RCN2: variants seen among roughly 807,000 people sequenced by gnomAD.
RCN2 encodes the protein reticulocalbin 2.
In RCN2, 23 loss-of-function variants were observed where a neutral mutation model predicts 37.5. The ratio of observed to expected loss-of-function variants is 0.61; its 90% CI spans 0.44 to 0.87. The LOEUF (loss-of-function observed/expected upper bound fraction) is 0.87. Among genes scored for constraint, RCN2 ranks in the 40% least tolerant of loss-of-function variants. The probability of loss-of-function intolerance (pLI) is 0.00; values close to 1 mark genes in which losing one functional copy is unlikely to be tolerated. For synonymous variants in RCN2, 140 were observed against 144.6 expected, an observed-to-expected ratio of 0.97 and a Z score of 0.23; for missense variants, 381 against 390.4, an observed-to-expected ratio of 0.98 and a Z score of 0.20.
Position 76,949,374 on chromosome 15 carries a change from G to GA in RCN2, c.*152_*153insA. 1 of 548,430 alleles carries GA rather than the reference G, an allele frequency of 1.8e-6. No individual in the cohort carries two copies. The highest frequency in any genetic ancestry group is 4.1e-5 in the Admixed American group (1 of 24,322). The allele number at this position is 548,430 out of a possible 1,614,324, so 34.0% of individuals were successfully genotyped here. On this transcript the variant is annotated 3_prime_UTR_variant, in exon 7 of 7. Transcript: ENST00000394885. Reference sequence around the variant, plus strand: ...TGTAGATTATAATTTTGGTCTTTTAGGAAAAAAAAACAAAAATCTGATATT... The same window carrying GA: ...TGTAGATTATAATTTTGGTCTTTTAGAGAAAAAAAAACAAAAATCTGATATT...
At chr15:76,941,512 T>C (rs534069956) in intron 3 of RCN2, 2 of 441,928 alleles carry the variant, frequency 4.5e-6, no homozygotes, top group East Asian at 3.4e-5. Context: ...ATGATTATGG[T>C]AGCTTTTTTA....
At chr15:76,946,432 G>A (rs2075296990) in intron 4 of RCN2, among the ~76,000 whole-genome samples, 1 of 150,518 alleles carries the variant, frequency 6.6e-6, no homozygotes, top group Non-Finnish European at 1.5e-5. Context: ...CTGGGTGACA[G>A]AATGAGATCC....
At chr15:76,946,273 T>C (rs1257253646) in intron 4 of RCN2, among the ~76,000 whole-genome samples, 3 of 151,920 alleles carry the variant, frequency 2.0e-5, no homozygotes, top group African/African-American at 7.3e-5. Context: ...CTGGACAACA[T>C]AGCAGACCTT....
At position 76,953,570 on chromosome 15, in the gene RCN2, TATATATATATATATATATA is replaced by T. The variant is rs2075331633; in HGVS notation, c.*4349_*4367del. 5 of 17,138 alleles carry T rather than the reference TATATATATATATATATATA, an allele frequency of 2.9e-4. No individual in the cohort carries two copies. The highest frequency in any genetic ancestry group is 4.9e-4 in the Non-Finnish European group (4 of 8,200). The allele number at this position is 17,138 out of a possible 1,614,324, so 1.1% of individuals were successfully genotyped here. The stretch of plus-strand genomic sequence containing the variant: ...TATAGTAATTCTATATATATATATA[TATATATATATATATATATA>T]TATATTTTTTTTTTTTTTTTTTTTT... On this transcript the variant is annotated 3_prime_UTR_variant, in exon 7 of 7. Coordinates refer to ENST00000394885, the MANE Select transcript of RCN2 (RefSeq NM_002902.3).
chr15:76,948,214 T>C (rs1198047542), intron 5 of RCN2, 196 bp from the exon 6 acceptor site: 5 of 410,008 alleles, frequency 1.2e-5, no homozygotes, highest in African/African-American at 2.0e-5. Flanking sequence ...AACTGGGTTG[T>C]TTAGACTCGT....
In RCN2 at chr15:76,947,429, C is replaced by A; in HGVS notation, c.570C>A (p.Val190=). ...PEEVDYMTEF[V]IQEALEEHDK... Reference sequence around the variant, plus strand: ...TAATGAACGTGGAATAGGAATTTGTCATTCAAGAAGCTTTAGAAGAACATG... The same window carrying A: ...TAATGAACGTGGAATAGGAATTTGTAATTCAAGAAGCTTTAGAAGAACATG... Residue 190 remains valine (V), a synonymous_variant, in exon 5 of 7, where the codon GTC becomes GTA. Coordinates refer to ENST00000394885, the MANE Select transcript of RCN2 (RefSeq NM_002902.3). 6.3e-7 allele frequency: 1 copy of A among 1,581,240 alleles called. No individual in the cohort carries two copies. The highest frequency in any genetic ancestry group is 1.9e-5 in the Admixed American group (1 of 53,520).
At chr15:76,942,861 T>G (rs1389478843) in intron 3 of RCN2, 2 of 152,178 alleles carry the variant, frequency 1.3e-5, no homozygotes, top group African/African-American at 4.8e-5. Flanking sequence ...GAGGATCACT[T>G]GAACCTGGGC....
rs1472988706 is a variant in RCN2, at chr15:76,949,630, C to T, written c.*408C>T. 1 of 153,234 alleles carries T rather than the reference C, an allele frequency of 6.5e-6. No homozygotes were observed. Among genetic ancestry groups the T allele is most frequent in the Admixed American group, 6.5e-5 (1 of 15,294 alleles). 9.5% of individuals were successfully genotyped at this position (153,234 alleles called of 1,614,324 possible). On this transcript the variant is annotated 3_prime_UTR_variant, in exon 7 of 7. Transcript: ENST00000394885. ...TAAGTAGATTTAATTTGGGAACTGACAGGACAATGTTTTTAGGTTTAGCAT... is the reference window on the plus strand; with the variant it reads ...TAAGTAGATTTAATTTGGGAACTGATAGGACAATGTTTTTAGGTTTAGCAT...
At chr15:76,946,806 T>C (rs1596006789) in intron 4 of RCN2, among the ~76,000 whole-genome samples, 1 of 152,118 alleles carries the variant, frequency 6.6e-6, no homozygotes, top group East Asian at 1.9e-4. Context: ...AGCTGGCCAT[T>C]GAACAGGTCA....
Position 76,935,659 on chromosome 15 carries a change from T to G in RCN2, c.384T>G (p.Asp128Glu), listed in dbSNP as rs759605295. Residue 128 changes from aspartate to glutamate, a missense_variant, in exon 3 of 7, where the codon GAT (aspartate) becomes GAG (glutamate). Physicochemically the swap from Asp to Glu is conservative, Grantham distance 45. Transcript: ENST00000394885. Reference sequence around the variant, plus strand: ...ATGAATATAACATTCAGATGTATGATCGTGTGATTGACTTTGATGAGAACA... The same window carrying G: ...ATGAATATAACATTCAGATGTATGAGCGTGTGATTGACTTTGATGAGAACA... ...TWDEYNIQMY[D>E]RVIDFDENTA... is the part of the protein sequence containing the mutation. 6.2e-7 allele frequency: 1 copy of G among 1,614,084 alleles called. No individual in the cohort carries two copies. Among genetic ancestry groups the G allele is most frequent in the Admixed American group, 1.7e-5 (1 of 60,020 alleles).
Position 76,947,405 on chromosome 15 carries a change from A to G in RCN2, c.562-16A>G, listed in dbSNP as rs1342107787. On this transcript the variant is annotated splice_polypyrimidine_tract_variant and intron_variant, in intron 4 of 6. Transcript: ENST00000394885. Reference sequence around the variant, plus strand: ...TTTGTAACTTTTTTTTTTCTTTTTTAATGAACGTGGAATAGGAATTTGTCA... The same window carrying G: ...TTTGTAACTTTTTTTTTTCTTTTTTGATGAACGTGGAATAGGAATTTGTCA... 8 of 1,511,160 alleles carry G rather than the reference A, an allele frequency of 5.3e-6. No homozygotes were observed. In the South Asian group the frequency reaches 9.7e-5, roughly 18 times the overall value. 93.6% of individuals were successfully genotyped at this position (1,511,160 alleles called of 1,614,324 possible).
intron 4 of RCN2, 112 bp downstream of exon 4, chr15:76,943,983 ACTT>A: frequency 2.4e-5 from 6 of 245,412 alleles, no homozygotes; most frequent in South Asian, 1.0e-4. Flanking sequence ...GATACATGAG[ACTT>A]TTTTTTTTTT....
intron 3 of RCN2, among the ~76,000 whole-genome samples, chr15:76,936,279 T>C (rs2075247299): frequency 6.6e-6 from 1 of 152,158 alleles, no homozygotes. Context: ...ATTTAAGTTG[T>C]AATTTATATT....
At chr15:76,935,743 T>A in intron 3 of RCN2, 21 bp downstream of exon 3, 1 of 1,584,356 alleles carries the variant, frequency 6.3e-7, no homozygotes, top group Non-Finnish European at 8.6e-7. Flanking sequence ...GTGCACAAGC[T>A]GTTTCTTTTG....
At chr15:76,938,456 G>A (rs187003912) in intron 3 of RCN2, among the ~76,000 whole-genome samples, 1 of 152,240 alleles carries the variant, frequency 6.6e-6, no homozygotes, top group African/African-American at 2.4e-5. Context: ...TCACAAATAT[G>A]GAGGGAGGAG....
chr15:76,937,331 A>T (rs959228712), intron 3 of RCN2, among the ~76,000 whole-genome samples: 3 of 152,176 alleles, frequency 2.0e-5, no homozygotes, highest in Non-Finnish European at 2.9e-5. Context: ...CTGCTAGATC[A>T]TACGGTAATT....
At chr15:76,933,701 AT>A (rs1367673713) in intron 2 of RCN2, among the ~76,000 whole-genome samples, 7 of 152,340 alleles carry the variant, frequency 4.6e-5, no homozygotes, top group African/African-American at 1.7e-4. Flanking sequence ...GTGAACCCAC[AT>A]TTCTGATCCC....
chr15:76,941,081 T>C (rs1596004645), intron 3 of RCN2, among the ~76,000 whole-genome samples: 1 of 152,186 alleles, frequency 6.6e-6, no homozygotes, highest in African/African-American at 2.4e-5. Flanking sequence ...TCACCCACGC[T>C]GGAGTGCAGT....
intron 3 of RCN2, among the ~76,000 whole-genome samples, chr15:76,938,499 A>G (rs745847197): frequency 2.0e-5 from 3 of 152,196 alleles, no homozygotes; most frequent in Non-Finnish European, 2.9e-5. Flanking sequence ...AACCATTTTA[A>G]AGTGTACCAT....
Sources: gnomAD v4.1 joint callset for allele counts (sites outside exome capture counted in the v4.1 genomes callset) on GRCh38, gnomAD v4.1.1 for gene constraint, MANE v1.5 for transcripts, NCBI Gene and HGNC (gene_info 2026-07-23, HGNC 2026-07-21) for gene names.